KLRF1: variants seen among roughly 807,000 people sequenced by gnomAD.
The protein encoded by KLRF1 is killer cell lectin like receptor F1, also known as killer cell lectin-like receptor subfamily F member 1.
KLRF1 carries 27 observed loss-of-function variants against 30.7 expected under a neutral mutation model. The ratio of observed to expected loss-of-function variants is 0.88; its 90% CI spans 0.65 to 1.21. The LOEUF is 1.21. Ranked by LOEUF, KLRF1 falls within the 50% of genes most tolerant of loss-of-function variation. The pLI, the probability that KLRF1 is intolerant of heterozygous loss-of-function variation, is 0.00. For missense variants in KLRF1, 246 were observed against 259.3 expected (o/e 0.95, Z 0.35); for synonymous variants, 92 against 89.3 (o/e 1.03, Z -0.17).
At chr12:9,814,158 G>C in the KLRF1 span, among the ~76,000 whole-genome samples, 3 of 152,098 alleles carry the variant, frequency 2.0e-5, no homozygotes, top group Non-Finnish European at 2.9e-5. Flanking sequence ...TCTACACCCC[G>C]GGGGAATCGG....
chr12:9,837,595 C>T (rs1202069107), intron 3 of KLRF1, among the ~76,000 whole-genome samples: 2 of 152,122 alleles, frequency 1.3e-5, no homozygotes, highest in Non-Finnish European at 2.9e-5. Context: ...ATTCATGAAA[C>T]AGCTCATTCC....
chr12:9,813,155 TTTA>T, the KLRF1 span, among the ~76,000 whole-genome samples: 1 of 151,840 alleles, frequency 6.6e-6, no homozygotes, highest in African/African-American at 2.4e-5. Context: ...AATTAATTAA[TTTA>T]TTATTATTAT....
chr12:9,803,636 T>C, the KLRF1 span, among the ~76,000 whole-genome samples: 1 of 152,046 alleles, frequency 6.6e-6, no homozygotes, highest in African/African-American at 2.4e-5. Context: ...TTTAAAAATT[T>C]TTCTCTTCTT....
the KLRF1 span, among the ~76,000 whole-genome samples, chr12:9,804,900 T>C: frequency 2.0e-5 from 3 of 152,054 alleles, no homozygotes; most frequent in Admixed American, 6.5e-5. Context: ...TTTTATTTTA[T>C]TGATATGGTA....
chr12:9,842,155 G>T, intron 4 of KLRF1, 166 bp from the exon 5 acceptor site: 1 of 804,070 alleles, frequency 1.2e-6, no homozygotes, highest in Non-Finnish European at 1.9e-6. Context: ...AATTGTGTGT[G>T]TGTGTGTGTA....
chr12:9,830,654 TC>T (rs1177525685), intron 1 of KLRF1, among the ~76,000 whole-genome samples: 1 of 151,648 alleles, frequency 6.6e-6, no homozygotes, highest in Non-Finnish European at 1.5e-5. Context: ...TAGATTTTTT[TC>T]CTTAGCTTTA....
upstream of KLRF1, among the ~76,000 whole-genome samples, chr12:9,824,660 A>G (rs1867261489): frequency 6.6e-6 from 1 of 152,212 alleles, no homozygotes; most frequent in Non-Finnish European, 1.5e-5. Flanking sequence ...AAATAGGAAG[A>G]GAGGACGTAA....
chr12:9,821,471 TC>T, the KLRF1 span, among the ~76,000 whole-genome samples: 3 of 151,936 alleles, frequency 2.0e-5, no homozygotes, highest in African/African-American at 7.3e-5. Context: ...CCTGCACACT[TC>T]CCCTGCTCAT....
the KLRF1 span, among the ~76,000 whole-genome samples, chr12:9,803,375 C>T: frequency 1.3e-5 from 2 of 152,106 alleles, no homozygotes; most frequent in East Asian, 3.9e-4. Flanking sequence ...AAAACCTTTT[C>T]ATTGTTTTGA....
rs55716494 is a variant in KLRF1 at position 9,829,473 on chromosome 12, C to T, written c.85+1844C>T. ...TCAGTCAAACTTATATAATGAGGGG[C>T]CAAGTGTGGTGGCTCATGCCATTAA... On this transcript the variant is annotated intron_variant, in intron 1 of 5. Transcript: ENST00000617889. Among the ~76,000 whole-genome samples the T allele has an allele frequency of 8.9e-3, 1,350 of 152,042 alleles. 17 individuals carry two copies. Among genetic ancestry groups the T allele is most frequent in the African/African-American group, 0.03 (1,254 of 41,462 alleles).
chr12:9,806,609 T>C, the KLRF1 span, among the ~76,000 whole-genome samples: 1 of 152,134 alleles, frequency 6.6e-6, no homozygotes, highest in Non-Finnish European at 1.5e-5. Flanking sequence ...TTCTGTTTAC[T>C]AGAACTATTA....
chr12:9,830,863 A>G (rs928078322), intron 1 of KLRF1, among the ~76,000 whole-genome samples: 1 of 152,056 alleles, frequency 6.6e-6, no homozygotes, highest in African/African-American at 2.4e-5. Flanking sequence ...TTTAACCTTT[A>G]TAAGTTAAAT....
the KLRF1 span, among the ~76,000 whole-genome samples, chr12:9,810,045 C>T: frequency 6.6e-6 from 1 of 152,120 alleles, no homozygotes; most frequent in African/African-American, 2.4e-5. Flanking sequence ...CACTGAAACT[C>T]AGAGTTGTGA....
At chr12:9,837,069 CTTTTCCCA>C (rs1398742421) in intron 3 of KLRF1, among the ~76,000 whole-genome samples, 3 of 152,000 alleles carry the variant, frequency 2.0e-5, no homozygotes, top group Non-Finnish European at 4.4e-5. Context: ...AGTTGAAAAA[CTTTTCCCA>C]AAAATAAATC....
chr12:9,817,613 TC>T, the KLRF1 span: 1 of 303,248 alleles, frequency 3.3e-6, no homozygotes, highest in Non-Finnish European at 6.7e-6. Flanking sequence ...TCTTTGAAGG[TC>T]CACGGTTTTT....
the KLRF1 span, among the ~76,000 whole-genome samples, chr12:9,820,913 A>T: frequency 1.3e-5 from 2 of 151,978 alleles, no homozygotes; most frequent in Non-Finnish European, 2.9e-5. Flanking sequence ...TACACCCCCT[A>T]ACTCTTCACC....
upstream of KLRF1, among the ~76,000 whole-genome samples, chr12:9,823,489 G>C (rs1867249329): frequency 6.6e-6 from 1 of 152,124 alleles, no homozygotes; most frequent in African/African-American, 2.4e-5. Flanking sequence ...AGCTAAGGCA[G>C]TATTAAGAGA....
chr12:9,842,229 G>A, intron 4 of KLRF1, 92 bp from the exon 5 acceptor site: 2 of 1,355,078 alleles, frequency 1.5e-6, no homozygotes, highest in Non-Finnish European at 1.0e-6. Flanking sequence ...GAATCCCTAT[G>A]CAGAGTGCTT....
upstream of KLRF1, among the ~76,000 whole-genome samples, chr12:9,823,335 A>C (rs1198733234): frequency 6.6e-6 from 1 of 152,074 alleles, no homozygotes; most frequent in Non-Finnish European, 1.5e-5. Context: ...AAAACAAATC[A>C]CTCAAAACCA....
Sources: gnomAD v4.1 joint callset for allele counts (sites outside exome capture counted in the v4.1 genomes callset) on GRCh38, gnomAD v4.1.1 for gene constraint, MANE v1.5 for transcripts, NCBI Gene and HGNC (gene_info 2026-07-23, HGNC 2026-07-21) for gene names.